The following BCR variants were observed in gnomAD, a reference collection of about 807,000 sequenced individuals.
BCR encodes the protein breakpoint cluster region protein.
In BCR, 58 loss-of-function variants were observed where a neutral mutation model predicts 138.6. That is an observed-to-expected ratio of 0.42 (90% CI 0.34 to 0.52). The LOEUF is 0.52. BCR is among the 20% of genes least tolerant of loss of function. The pLI, the probability that BCR is intolerant of heterozygous loss-of-function variation, is 0.06. For missense variants in BCR, 1,599 were observed against 1,727.2 expected (o/e 0.93, Z 1.32); for synonymous variants, 786 against 730.1 (o/e 1.08, Z -1.23).
In BCR at chr22:23,299,396, C is replaced by T. The variant is rs150391623; in HGVS notation, c.3012+4241C>T. Among the ~76,000 whole-genome samples, 28 of 152,206 alleles carry T rather than the reference C, an allele frequency of 1.8e-4. No individual in the cohort carries two copies. In the East Asian group the frequency reaches 4.6e-3, roughly 25 times the overall value. ...CAGGCACATCACAGACCCCCCTGCA[C>T]GGGTGAATGGCTGTGTGGACGAGAC... On this transcript the variant is annotated intron_variant, in intron 16 of 22. Transcript: ENST00000305877.
At chr22:23,299,368 C>T (rs1197800551) in intron 16 of BCR, among the ~76,000 whole-genome samples, 3 of 152,166 alleles carry the variant, frequency 2.0e-5, no homozygotes, top group African/African-American at 7.2e-5. Context: ...TCGGAATGCC[C>T]CCCAGGCACA....
At chr22:23,274,918 A>G (rs2073556532) in intron 8 of BCR, among the ~76,000 whole-genome samples, 1 of 149,666 alleles carries the variant, frequency 6.7e-6, no homozygotes, top group African/African-American at 2.4e-5. Flanking sequence ...AAAAAAAAAA[A>G]AAAAAAAAAA....
At chr22:23,267,482 A>G (rs956904011) in intron 4 of BCR, among the ~76,000 whole-genome samples, 1 of 152,208 alleles carries the variant, frequency 6.6e-6, no homozygotes, top group African/African-American at 2.4e-5. Flanking sequence ...TAGAAACATA[A>G]AATTCAATAT....
At chr22:23,269,402 A>AG (rs1186051478) in intron 5 of BCR, among the ~76,000 whole-genome samples, 1 of 152,192 alleles carries the variant, frequency 6.6e-6, no homozygotes, top group African/African-American at 2.4e-5. Flanking sequence ...CCTCCGTGTG[A>AG]GAACCGCAGG....
chr22:23,214,363 A>AC (rs35670581), intron 1 of BCR, among the ~76,000 whole-genome samples: 1 of 151,582 alleles, frequency 6.6e-6, no homozygotes, highest in Admixed American at 6.6e-5. Flanking sequence ...ATTTCAGATG[A>AC]CCCCCCAGTA....
intron 1 of BCR, among the ~76,000 whole-genome samples, chr22:23,215,945 G>C (rs1307190725): frequency 6.6e-6 from 1 of 152,174 alleles, no homozygotes; most frequent in Non-Finnish European, 1.5e-5. Flanking sequence ...TCATTTTCTA[G>C]AATTACCACG....
chr22:23,182,341 G>GTT, intron 1 of BCR, 102 bp downstream of exon 1: 1 of 1,322,008 alleles, frequency 7.6e-7, no homozygotes, highest in Non-Finnish European at 1.0e-6. Flanking sequence ...GGAGTGGATA[G>GTT]TTTTGAGTGT....
At chr22:23,243,417 C>T (rs931276320) in intron 1 of BCR, among the ~76,000 whole-genome samples, 2 of 152,134 alleles carry the variant, frequency 1.3e-5, no homozygotes, top group African/African-American at 2.4e-5. Context: ...TCTTGCCTAC[C>T]TAGTGGAACC....
chr22:23,256,681 C>A (rs1016096728), intron 2 of BCR, among the ~76,000 whole-genome samples: 2 of 152,250 alleles, frequency 1.3e-5, no homozygotes, highest in Admixed American at 1.3e-4. Flanking sequence ...ACTGGGCTCC[C>A]CCAGATTAGG....
chr22:23,235,788 T>G (rs1465988067), intron 1 of BCR, among the ~76,000 whole-genome samples: 1 of 152,190 alleles, frequency 6.6e-6, no homozygotes, highest in Non-Finnish European at 1.5e-5. Context: ...AAGGGCCCAC[T>G]TCCTGGTTCT....
At chr22:23,243,863 G>A (rs1251627285) in intron 1 of BCR, among the ~76,000 whole-genome samples, 1 of 152,034 alleles carries the variant, frequency 6.6e-6, no homozygotes, top group Non-Finnish European at 1.5e-5. Flanking sequence ...GACTGGTCTT[G>A]AACTCCTGAC....
At chr22:23,284,993 C>T in intron 9 of BCR, 40 bp from the exon 10 acceptor site, 1 of 1,591,888 alleles carries the variant, frequency 6.3e-7, no homozygotes, top group Non-Finnish European at 8.6e-7. Flanking sequence ...CCATAGAAGG[C>T]AGTCGGTGCA....
At chr22:23,216,496 T>C (rs1195470634) in intron 1 of BCR, among the ~76,000 whole-genome samples, 5 of 152,176 alleles carry the variant, frequency 3.3e-5, no homozygotes, top group Admixed American at 6.5e-5. Context: ...CATCATCCGA[T>C]GGTAAGGATG....
intron 5 of BCR, 48 bp from the exon 6 acceptor site, chr22:23,271,484 C>T: frequency 6.3e-7 from 1 of 1,593,226 alleles, no homozygotes; most frequent in Middle Eastern, 1.7e-4. Context: ...TCTGCATCAT[C>T]AAAGCTGCTT....
intron 20 of BCR, 121 bp from the exon 21 acceptor site, chr22:23,313,847 C>T (rs1218104391): frequency 1.8e-5 from 15 of 853,044 alleles, no homozygotes; most frequent in African/African-American, 3.3e-5. Context: ...AGCTGTGAGA[C>T]TGAGGATGAT....
intron 16 of BCR, among the ~76,000 whole-genome samples, chr22:23,306,999 G>A (rs1018230345): frequency 2.6e-5 from 4 of 152,218 alleles, no homozygotes; most frequent in African/African-American, 9.6e-5. Context: ...GCTTCTGCCT[G>A]TTCTGGGTTT....
At chr22:23,306,843 C>CAGCCGGGCGGGCCGG (rs1042465306) in intron 16 of BCR, 10 of 152,736 alleles carry the variant, frequency 6.5e-5, no homozygotes, top group African/African-American at 2.2e-4. Flanking sequence ...ACTTCCACCC[C>CAGCCGGGCGGGCCGG]AGCCGGGCGG....
At position 23,180,781 on chromosome 22, in the gene BCR, C is replaced by T. The variant is rs2072234159; in HGVS notation, c.-180C>T. On this transcript the variant is annotated 5_prime_UTR_variant, in exon 1 of 23. Transcript: ENST00000305877. The stretch of plus-strand genomic sequence containing the variant: ...CCCCCGGCGCGCCCCGCCCCGCGCG[C>T]CGAGCGCCCCGCTCCGCCTCACCTG... 1 of 189,142 alleles carries T rather than the reference C, an allele frequency of 5.3e-6. No individual in the cohort carries two copies. Among genetic ancestry groups the T allele is most frequent in the Non-Finnish European group, 9.4e-6 (1 of 105,836 alleles). The allele number at this position is 189,142 out of a possible 1,614,324, so 11.7% of individuals were successfully genotyped here. A position where few individuals can be genotyped will look rare whatever the true frequency, so the allele number is the denominator to read the frequency against.
At chr22:23,284,933 T>C (rs923795947) in intron 9 of BCR, 100 bp from the exon 10 acceptor site, 32 of 1,352,328 alleles carry the variant, frequency 2.4e-5, no homozygotes, top group East Asian at 1.2e-4. Flanking sequence ...AGGTAAACCA[T>C]GTATGGCCGA....
Sources: allele counts gnomAD v4.1 joint callset (sites outside exome capture counted in the v4.1 genomes callset), GRCh38; gene constraint gnomAD v4.1.1; transcripts MANE v1.5; gene names NCBI Gene and HGNC (gene_info 2026-07-23, HGNC 2026-07-21).